The following ITGA9 variants were observed in gnomAD, a reference collection of about 807,000 sequenced individuals.
The protein encoded by ITGA9 is integrin alpha-9.
A neutral mutation model predicts 127.8 loss-of-function variants in ITGA9; 56 were observed. The observed-to-expected ratio is 0.44, with a 90% CI of 0.35 to 0.55. The LOEUF (loss-of-function observed/expected upper bound fraction) is 0.55, where lower values mean the gene tolerates loss of function less well. ITGA9 is among the 20% of genes least tolerant of loss of function. The pLI is 0.00. For synonymous variants in ITGA9, 508 were observed against 514.5 expected (o/e 0.99, Z 0.17); for missense variants, 1,196 against 1,347.1 (o/e 0.89, Z 1.76).
At chr3:37,726,016 G>A (rs934355525) in intron 18 of ITGA9, among the ~76,000 whole-genome samples, 1 of 152,208 alleles carries the variant, frequency 6.6e-6, no homozygotes, top group Non-Finnish European at 1.5e-5. Context: ...GACTGTTCTG[G>A]TAAGGTTCAA....
intron 7 of ITGA9, among the ~76,000 whole-genome samples, chr3:37,506,532 T>C (rs1698845704): frequency 6.6e-6 from 1 of 152,170 alleles, no homozygotes; most frequent in South Asian, 2.1e-4. Flanking sequence ...TCCCCAGTGT[T>C]TGAGAAGGAA....
At chr3:37,602,547 A>G (rs1205327478) in intron 15 of ITGA9, among the ~76,000 whole-genome samples, 1 of 152,170 alleles carries the variant, frequency 6.6e-6, no homozygotes, top group African/African-American at 2.4e-5. Flanking sequence ...TAAAGGATTC[A>G]TTTGAATTTT....
chr3:37,778,955 C>T (rs1211062111), intron 24 of ITGA9, among the ~76,000 whole-genome samples: 1 of 148,038 alleles, frequency 6.8e-6, no homozygotes, highest in African/African-American at 2.5e-5. Context: ...TGTAGTGATA[C>T]CTAGTGATTT....
At chr3:37,513,095 TTA>T (rs1195604418) in intron 8 of ITGA9, among the ~76,000 whole-genome samples, 1 of 152,218 alleles carries the variant, frequency 6.6e-6, no homozygotes, top group Non-Finnish European at 1.5e-5. Context: ...CATGTAACAT[TTA>T]TTTTCATGCC....
chr3:37,615,519 T>G (rs992669490), intron 15 of ITGA9, among the ~76,000 whole-genome samples: 5 of 152,202 alleles, frequency 3.3e-5, no homozygotes, highest in Admixed American at 6.5e-5. Context: ...TTCTGTTGAT[T>G]GGAATAGTTT....
At chr3:37,506,513 G>A (rs572358332) in intron 7 of ITGA9, among the ~76,000 whole-genome samples, 2 of 152,118 alleles carry the variant, frequency 1.3e-5, no homozygotes, top group Admixed American at 1.3e-4. Flanking sequence ...AATTATTCTC[G>A]TATTTATTTC....
intron 26 of ITGA9, among the ~76,000 whole-genome samples, chr3:37,798,790 C>T (rs1383126968): frequency 5.3e-5 from 8 of 152,164 alleles, no homozygotes; most frequent in African/African-American, 1.9e-4. Flanking sequence ...TGTGACTACA[C>T]ATTTTTTTCT....
At chr3:37,645,155 T>C (rs913666361) in intron 16 of ITGA9, among the ~76,000 whole-genome samples, 1 of 152,208 alleles carries the variant, frequency 6.6e-6, no homozygotes, top group Admixed American at 6.5e-5. Context: ...TTAGGGCCTC[T>C]GGAAACTTGT....
At chr3:37,585,053 C>G (rs1483929697) in intron 15 of ITGA9, among the ~76,000 whole-genome samples, 1 of 152,070 alleles carries the variant, frequency 6.6e-6, no homozygotes, top group Non-Finnish European at 1.5e-5. Flanking sequence ...AAGGCCATAG[C>G]TTCTGCCAGG....
chr3:37,725,455 GTCATGTTCTGTA>G (rs1696176422), intron 18 of ITGA9, among the ~76,000 whole-genome samples: 2 of 152,174 alleles, frequency 1.3e-5, no homozygotes, highest in Non-Finnish European at 2.9e-5. Context: ...AAAGCACCAT[GTCATGTTCTGTA>G]GGGAGATAGG....
At chr3:37,695,835 G>A (rs918921706) in intron 18 of ITGA9, among the ~76,000 whole-genome samples, 2 of 152,146 alleles carry the variant, frequency 1.3e-5, no homozygotes, top group African/African-American at 4.8e-5. Flanking sequence ...ATTTTTCTTT[G>A]GTAATAATAA....
intron 17 of ITGA9, among the ~76,000 whole-genome samples, chr3:37,681,296 G>C (rs1053847108): frequency 6.6e-6 from 1 of 152,194 alleles, no homozygotes; most frequent in African/African-American, 2.4e-5. Context: ...AAACAGAGGA[G>C]GCAAGTCTTA....
chr3:37,574,523 A>T (rs1380837675), intron 15 of ITGA9, among the ~76,000 whole-genome samples: 1 of 152,228 alleles, frequency 6.6e-6, no homozygotes, highest in Non-Finnish European at 1.5e-5. Flanking sequence ...TTAAGATCCA[A>T]TCTGAAATTA....
At chr3:37,624,767 C>A (rs766435304) in intron 15 of ITGA9, among the ~76,000 whole-genome samples, 1 of 151,962 alleles carries the variant, frequency 6.6e-6, no homozygotes, top group Non-Finnish European at 1.5e-5. Context: ...CCACCACGCC[C>A]GGCTAATTTT....
At chr3:37,765,627 C>T (rs528333320) in intron 23 of ITGA9, among the ~76,000 whole-genome samples, 1 of 152,300 alleles carries the variant, frequency 6.6e-6, no homozygotes, top group East Asian at 1.9e-4. Context: ...ACAAAAGTTA[C>T]ATTCCTAGGC....
chr3:37,634,794 T>TA (rs1247138248), intron 16 of ITGA9, among the ~76,000 whole-genome samples: 1 of 152,222 alleles, frequency 6.6e-6, no homozygotes, highest in African/African-American at 2.4e-5. Flanking sequence ...AGCGACAGAA[T>TA]ACACATTCTT....
At position 37,653,702 on chromosome 3, in the gene ITGA9, T is replaced by C; in HGVS notation, c.1840-12T>C. On this transcript the variant is annotated splice_polypyrimidine_tract_variant and intron_variant, in intron 16 of 27. Coordinates refer to ENST00000264741, the MANE Select transcript of ITGA9 (RefSeq NM_002207.3). ...ATCCTGCCCTAACCTTCCTCTCCTG[T>C]CTTTCTCACAGACTGTTTTTGAAAG... 6.2e-7 allele frequency: 1 copy of C among 1,608,312 alleles called. No individual in the cohort carries two copies. Among genetic ancestry groups the C allele is most frequent in the Non-Finnish European group, 8.5e-7 (1 of 1,174,738 alleles).
chr3:37,613,724 G>A (rs1402472533), intron 15 of ITGA9, among the ~76,000 whole-genome samples: 1 of 152,208 alleles, frequency 6.6e-6, no homozygotes, highest in Non-Finnish European at 1.5e-5. Context: ...CTGATGATGA[G>A]CATTGTTTCA....
At chr3:37,710,376 G>A (rs1217196437) in intron 18 of ITGA9, among the ~76,000 whole-genome samples, 1 of 147,090 alleles carries the variant, frequency 6.8e-6, no homozygotes, top group Non-Finnish European at 1.5e-5. Context: ...TCGAGAAACT[G>A]ACGGTGTTGT....
Sources: gnomAD v4.1 joint callset for allele counts (sites outside exome capture counted in the v4.1 genomes callset) on GRCh38, gnomAD v4.1.1 for gene constraint, MANE v1.5 for transcripts, NCBI Gene and HGNC (gene_info 2026-07-23, HGNC 2026-07-21) for gene names.